The following AGBL4 variants were observed in gnomAD, a reference collection of about 807,000 sequenced individuals.
AGBL4 encodes AGBL carboxypeptidase 4.
Under a neutral mutation model 66.4 loss-of-function variants are expected in AGBL4, and 58 were observed. The observed-to-expected ratio is 0.87, with a 90% CI of 0.71 to 1.09. The LOEUF (loss-of-function observed/expected upper bound fraction) is 1.09, where lower values mean the gene tolerates loss of function less well. AGBL4 is among the 50% of genes least tolerant of loss of function. The probability of loss-of-function intolerance (pLI) is 0.00; values close to 1 mark genes in which losing one functional copy is unlikely to be tolerated. For synonymous variants in AGBL4, 234 were observed against 222.9 expected, an observed-to-expected ratio of 1.05 and a Z score of -0.44; for missense variants, 579 against 631.0, an observed-to-expected ratio of 0.92 and a Z score of 0.88.
chr1:49,203,143 G>GA (rs1647853708), intron 4 of AGBL4, among the ~76,000 whole-genome samples: 1 of 150,378 alleles, frequency 6.6e-6, no homozygotes, highest in Non-Finnish European at 1.5e-5. Context: ...AGAATGTAGA[G>GA]AAAATGGAAC....
intron 2 of AGBL4, among the ~76,000 whole-genome samples, chr1:49,713,765 G>T (rs899303590): frequency 6.6e-6 from 1 of 151,886 alleles, no homozygotes; most frequent in Admixed American, 6.6e-5. Context: ...GTACAAAGGA[G>T]GAACAATGTA....
At chr1:49,916,927 A>G (rs1311738279) in intron 1 of AGBL4, among the ~76,000 whole-genome samples, 2 of 152,200 alleles carry the variant, frequency 1.3e-5, no homozygotes, top group Non-Finnish European at 2.9e-5. Flanking sequence ...GGGGGCCAAT[A>G]TTCAACATTC....
chr1:49,401,122 G>A (rs1337914548), intron 3 of AGBL4, among the ~76,000 whole-genome samples: 1 of 152,174 alleles, frequency 6.6e-6, no homozygotes, highest in Non-Finnish European at 1.5e-5. Flanking sequence ...AAGAAAAGAG[G>A]TTTAATTCAC....
In AGBL4 at chr1:48,568,156, T is replaced by C. The variant is rs137885724; in HGVS notation, c.1267+18848A>G. Among the ~76,000 whole-genome samples, 518 of 152,294 alleles carry C rather than the reference T, an allele frequency of 3.4e-3. 2 individuals carry two copies. The highest frequency in any genetic ancestry group is 0.012 in the African/African-American group (497 of 41,568). On this transcript the variant is annotated intron_variant, in intron 11 of 13. Coordinates refer to ENST00000371839, the MANE Select transcript of AGBL4 (RefSeq NM_032785.4). ...TGGATCAAGCATCCTGCAAATCTGA[T>C]CATGTCATTCCTCACTCAAAATGAC...
chr1:49,882,760 G>C (rs529194520), intron 1 of AGBL4, among the ~76,000 whole-genome samples: 2 of 152,152 alleles, frequency 1.3e-5, no homozygotes, highest in Non-Finnish European at 2.9e-5. Flanking sequence ...CCTTGCTGAA[G>C]TTGCTTATTT....
intron 3 of AGBL4, among the ~76,000 whole-genome samples, chr1:49,432,322 G>C (rs1026516261): frequency 2.0e-5 from 3 of 152,078 alleles, no homozygotes; most frequent in Non-Finnish European, 4.4e-5. Flanking sequence ...TTGTAATTTT[G>C]AGTTGGTCTG....
At chr1:48,850,499 C>T (rs926316466) in intron 6 of AGBL4, among the ~76,000 whole-genome samples, 1 of 152,128 alleles carries the variant, frequency 6.6e-6, no homozygotes, top group African/African-American at 2.4e-5. Flanking sequence ...CAGTAAATGG[C>T]TCATTTGTCC....
chr1:49,609,131 G>A (rs1021049168), intron 3 of AGBL4, among the ~76,000 whole-genome samples: 6 of 152,110 alleles, frequency 3.9e-5, no homozygotes, highest in Admixed American at 3.9e-4. Context: ...GGTCCGCATT[G>A]TAACCACAAG....
At chr1:49,989,498 CTT>C (rs1479142115) in intron 1 of AGBL4, among the ~76,000 whole-genome samples, 1 of 152,122 alleles carries the variant, frequency 6.6e-6, no homozygotes, top group Non-Finnish European at 1.5e-5. Flanking sequence ...TAGTTAGTAT[CTT>C]TATTTCTGCC....
At chr1:48,935,818 G>T (rs1655405955) in intron 5 of AGBL4, among the ~76,000 whole-genome samples, 1 of 151,448 alleles carries the variant, frequency 6.6e-6, no homozygotes, top group South Asian at 2.1e-4. Flanking sequence ...AATCAGCTGG[G>T]CGTGGTAGCA....
chr1:49,829,120 A>G (rs944390883), intron 2 of AGBL4, among the ~76,000 whole-genome samples: 4 of 150,706 alleles, frequency 2.7e-5, no homozygotes, highest in South Asian at 2.1e-4. Flanking sequence ...AACATATGTT[A>G]ACTGCTTGAA....
intron 6 of AGBL4, among the ~76,000 whole-genome samples, chr1:48,789,540 T>C (rs764153932): frequency 5.3e-5 from 8 of 152,124 alleles, no homozygotes; most frequent in African/African-American, 1.2e-4. Context: ...CCTACCACCT[T>C]GGCCTCCCAA....
intron 10 of AGBL4, among the ~76,000 whole-genome samples, chr1:48,587,620 T>A (rs1013680449): frequency 2.2e-5 from 3 of 138,324 alleles, no homozygotes; most frequent in Admixed American, 7.3e-5. Context: ...ATTATTATTT[T>A]ATTTATTTTA....
At chr1:48,581,007 C>T (rs944316203) in intron 11 of AGBL4, among the ~76,000 whole-genome samples, 5 of 152,170 alleles carry the variant, frequency 3.3e-5, no homozygotes, top group African/African-American at 1.2e-4. Context: ...TGCACCACCC[C>T]AGCTGGTTTA....
intron 3 of AGBL4, among the ~76,000 whole-genome samples, chr1:49,497,671 T>A (rs1012104284): frequency 4.6e-5 from 7 of 152,030 alleles, no homozygotes; most frequent in Non-Finnish European, 1.5e-5. Flanking sequence ...TTTGGGCACG[T>A]TCGTTGAAAA....
At chr1:48,799,178 A>C (rs769338079) in intron 6 of AGBL4, among the ~76,000 whole-genome samples, 2 of 152,096 alleles carry the variant, frequency 1.3e-5, no homozygotes, top group Non-Finnish European at 2.9e-5. Context: ...TGTTTGTTTC[A>C]TCTGTGATTT....
At chr1:49,296,822 T>C (rs1387851758) in intron 3 of AGBL4, among the ~76,000 whole-genome samples, 6 of 152,246 alleles carry the variant, frequency 3.9e-5, no homozygotes, top group Non-Finnish European at 4.4e-5. Context: ...GTGTCAACAC[T>C]GTCAGCAGCA....
chr1:49,231,496 G>A (rs1258161979), intron 4 of AGBL4, among the ~76,000 whole-genome samples: 3 of 152,156 alleles, frequency 2.0e-5, no homozygotes, highest in Non-Finnish European at 4.4e-5. Flanking sequence ...AGATCATAGG[G>A]TGGAATGCAG....
chr1:48,624,050 T>G (rs140221641), intron 9 of AGBL4, among the ~76,000 whole-genome samples: 209 of 152,288 alleles, frequency 1.4e-3, no homozygotes, highest in African/African-American at 4.9e-3. Flanking sequence ...TGAATAGATA[T>G]CAGCAGCAGA....
Sources: gnomAD v4.1 joint callset for allele counts (sites outside exome capture counted in the v4.1 genomes callset) on GRCh38, gnomAD v4.1.1 for gene constraint, MANE v1.5 for transcripts, NCBI Gene and HGNC (gene_info 2026-07-23, HGNC 2026-07-21) for gene names.